The following CALN1 variants were observed in gnomAD, a reference collection of about 807,000 sequenced individuals.
CALN1 encodes calcium-binding protein 8.
In CALN1, 17 loss-of-function variants were observed where a neutral mutation model predicts 30.6. The observed-to-expected ratio is 0.56, with a 90% CI of 0.38 to 0.83. The LOEUF (loss-of-function observed/expected upper bound fraction) is 0.83, where lower values mean the gene tolerates loss of function less well. Among genes scored for constraint, CALN1 ranks in the 40% least tolerant of loss-of-function variants. The pLI, the probability that CALN1 is intolerant of heterozygous loss-of-function variation, is 0.00. For synonymous variants in CALN1, 156 were observed against 131.4 expected (o/e 1.19, Z -1.28); for missense variants, 291 against 354.9 (o/e 0.82, Z 1.45).
At chr7:72,229,387 G>A (rs770761660) in intron 3 of CALN1, among the ~76,000 whole-genome samples, 12 of 152,032 alleles carry the variant, frequency 7.9e-5, no homozygotes, top group Non-Finnish European at 7.4e-5. Flanking sequence ...GGGAGGCTGA[G>A]GCAAGAGGAT....
At chr7:72,480,698 AT>A in the CALN1 span, among the ~76,000 whole-genome samples, 1 of 152,140 alleles carries the variant, frequency 6.6e-6, no homozygotes, top group African/African-American at 2.4e-5. Context: ...TACAAATTCA[AT>A]TTCTTCACTA....
chr7:71,996,716 C>G (rs1799270975), intron 5 of CALN1, among the ~76,000 whole-genome samples: 1 of 152,092 alleles, frequency 6.6e-6, no homozygotes, highest in Non-Finnish European at 1.5e-5. Context: ...ATATAGCCAC[C>G]ATGGCACATG....
At chr7:72,203,979 C>CTCTTT (rs59798860) in intron 3 of CALN1, among the ~76,000 whole-genome samples, 1 of 83,778 alleles carries the variant, frequency 1.2e-5, no homozygotes, top group African/African-American at 5.2e-5. Context: ...AGGCCTCTCT[C>CTCTTT]TTTTTTTTTT....
At chr7:72,041,387 A>T (rs58481025) in intron 4 of CALN1, among the ~76,000 whole-genome samples, 2 of 149,318 alleles carry the variant, frequency 1.3e-5, no homozygotes, top group African/African-American at 5.1e-5. Context: ...AATTTTTTTT[A>T]TTTTTTTTAT....
chr7:71,811,945 C>A (rs1355277288), intron 5 of CALN1, among the ~76,000 whole-genome samples: 3 of 152,224 alleles, frequency 2.0e-5, no homozygotes, highest in South Asian at 2.1e-4. Context: ...TCCCAAAGTG[C>A]TGGGATTACA....
At chr7:71,873,217 A>G (rs59305596) in intron 5 of CALN1, among the ~76,000 whole-genome samples, 10,447 of 151,932 alleles carry the variant, frequency 0.069, 804 homozygotes, top group East Asian at 0.44. Context: ...TTGGCCAGCC[A>G]GGCAGGTCTC....
At chr7:72,274,603 CATAT>C (rs1344872060) in intron 3 of CALN1, among the ~76,000 whole-genome samples, 1 of 151,838 alleles carries the variant, frequency 6.6e-6, no homozygotes, top group African/African-American at 2.4e-5. Flanking sequence ...AATAGAATTC[CATAT>C]AATGCACTCT....
chr7:71,882,322 C>G (rs887807731), intron 5 of CALN1, among the ~76,000 whole-genome samples: 4 of 152,182 alleles, frequency 2.6e-5, no homozygotes, highest in Admixed American at 6.5e-5. Context: ...CTTATGAAGA[C>G]CCTTGTGATT....
chr7:72,090,910 T>C (rs114292284), intron 4 of CALN1, among the ~76,000 whole-genome samples: 2,936 of 152,142 alleles, frequency 0.019, 94 homozygotes, highest in African/African-American at 0.067. Context: ...AGAACGATGA[T>C]TATAGGGGCA....
chr7:72,229,714 T>A (rs1793944262), intron 3 of CALN1, among the ~76,000 whole-genome samples: 1 of 151,864 alleles, frequency 6.6e-6, no homozygotes, highest in Non-Finnish European at 1.5e-5. Flanking sequence ...TTCTCACTCA[T>A]AAGTGGAAGT....
chr7:72,347,944 A>G (rs1802730636), intron 2 of CALN1, among the ~76,000 whole-genome samples: 1 of 152,084 alleles, frequency 6.6e-6, no homozygotes, highest in Non-Finnish European at 1.5e-5. Context: ...CAGCCTGGCC[A>G]ACATGCTGAG....
intron 3 of CALN1, among the ~76,000 whole-genome samples, chr7:72,110,749 G>A (rs193098339): frequency 7.9e-4 from 119 of 151,516 alleles, no homozygotes; most frequent in Middle Eastern, 3.4e-3. Context: ...ATGTTTCTAG[G>A]GTAAGGAAAG....
chr7:71,975,041 C>A (rs1461003958), intron 5 of CALN1, among the ~76,000 whole-genome samples: 1 of 152,202 alleles, frequency 6.6e-6, no homozygotes, highest in Non-Finnish European at 1.5e-5. Flanking sequence ...TCCCACCCAA[C>A]CAGCTGGGGC....
intron 3 of CALN1, among the ~76,000 whole-genome samples, chr7:72,276,812 C>T (rs756912): frequency 0.46 from 70,247 of 151,956 alleles, 17,212 homozygotes; most frequent in South Asian, 0.64. Flanking sequence ...AAATATAGTT[C>T]TTTTCTATAT....
intron 3 of CALN1, among the ~76,000 whole-genome samples, chr7:72,122,661 G>A (rs889632564): frequency 2.0e-5 from 3 of 152,250 alleles, no homozygotes; most frequent in South Asian, 2.1e-4. Flanking sequence ...AGAAGTTTGA[G>A]GCTGCAGTGA....
chr7:72,319,629 C>G (rs542409364), intron 2 of CALN1, among the ~76,000 whole-genome samples: 65 of 152,282 alleles, frequency 4.3e-4, no homozygotes, highest in Non-Finnish European at 8.1e-4. Context: ...AGGCCATTAT[C>G]TGTAAGTGAA....
chr7:72,068,771 A>G (rs748008777), intron 4 of CALN1, among the ~76,000 whole-genome samples: 12 of 152,316 alleles, frequency 7.9e-5, no homozygotes, highest in Non-Finnish European at 1.6e-4. Context: ...GATTACAGGC[A>G]TGAGCCACCG....
intron 3 of CALN1, among the ~76,000 whole-genome samples, chr7:72,181,426 T>A (rs969220654): frequency 6.6e-6 from 1 of 152,074 alleles, no homozygotes; most frequent in Middle Eastern, 3.4e-3. Flanking sequence ...AGTTCTTAGA[T>A]AACCTGTTAG....
rs1419428177 is a variant in CALN1, at chr7:72,208,832, TAC to T, written c.244+69852_244+69853del. Among the ~76,000 whole-genome samples, 3 of 152,188 alleles carry T rather than the reference TAC, an allele frequency of 2.0e-5. No homozygotes were observed. The East Asian group carries it at 5.8e-4, about 29-fold the overall frequency. On this transcript the variant is annotated intron_variant, in intron 3 of 6. Coordinates refer to ENST00000395275, the MANE Select transcript of CALN1 (RefSeq NM_031468.4). The stretch of plus-strand genomic sequence containing the variant: ...AAAATGCAAAAGCAGGAGAAGTGAA[TAC>T]ACAGTGTTAGAAGTAAAGGTAGTGG...
Sources: allele counts gnomAD v4.1 joint callset (sites outside exome capture counted in the v4.1 genomes callset), GRCh38; gene constraint gnomAD v4.1.1; transcripts MANE v1.5; gene names NCBI Gene and HGNC (gene_info 2026-07-23, HGNC 2026-07-21).